The following CCM2L variants were observed in gnomAD, a reference collection of about 807,000 sequenced individuals.
CCM2L encodes CCM2 like scaffold protein.
A neutral mutation model predicts 54.1 loss-of-function variants in CCM2L; 36 were observed. The observed-to-expected ratio is 0.67, with a 90% CI of 0.51 to 0.88. The LOEUF is 0.88. CCM2L is among the 40% of genes least tolerant of loss of function. The pLI is 0.00. For missense variants in CCM2L, 700 were observed against 812.1 expected, an observed-to-expected ratio of 0.86 and a Z score of 1.68; for synonymous variants, 351 against 359.3, an observed-to-expected ratio of 0.98 and a Z score of 0.26.
intron 2 of CCM2L, 32 bp downstream of exon 2, chr20:32,015,103 C>T (rs2064730669): frequency 2.1e-6 from 3 of 1,456,818 alleles, no homozygotes; most frequent in Non-Finnish European, 2.7e-6. Context: ...GTGGGAAAAC[C>T]TTGGGGTGAG....
In CCM2L at chr20:32,018,153, C is replaced by G; in HGVS notation, c.457C>G (p.Leu153Val). 6.5e-7 allele frequency: 1 copy of G among 1,539,812 alleles called. No homozygotes were observed. The highest frequency in any genetic ancestry group is 8.7e-7 in the Non-Finnish European group (1 of 1,144,168). The change falls in exon 4 of 10, where the codon CTC (leucine) becomes GTC (valine). Residue 153 changes from leucine to valine, a missense_variant. Physicochemically the swap from Leu to Val is conservative, Grantham distance 32. Transcript: ENST00000452892. ...LQDDALHLLVLKTGLGVDPVP... is the reference protein window; with the variant it reads ...LQDDALHLLVVKTGLGVDPVP... ...GGACGACGCGCTGCACCTGCTAGTG[C>G]TCAAGACCGGTGCGGCGGGAGGGGG... is the stretch of plus-strand genomic sequence containing the variant.
chr20:32,015,216 C>T (rs2064731873), intron 2 of CCM2L, 145 bp downstream of exon 2: 1 of 784,460 alleles, frequency 1.3e-6, no homozygotes, highest in Non-Finnish European at 1.8e-6. Context: ...TCAGCCTTGC[C>T]CCCACCTTCA....
At position 32,019,417 on chromosome 20, in the gene CCM2L, C is replaced by T. The variant is rs904115719; in HGVS notation, c.933+8C>T. The T allele has an allele frequency of 4.0e-6, 6 of 1,508,394 alleles. No individual in the cohort carries two copies. The highest frequency in any genetic ancestry group is 2.9e-5 in the African/African-American group (2 of 70,008). 93.4% of individuals were successfully genotyped at this position (1,508,394 alleles called of 1,614,324 possible). A position where few individuals can be genotyped will look rare whatever the true frequency, so the allele number is the denominator to read the frequency against. On this transcript the variant is annotated splice_region_variant and intron_variant, in intron 5 of 9. Transcript: ENST00000452892. Reference sequence around the variant, plus strand: ...CTGGCTGTAGCCAACAGGGTGAGCCCGAGGGCAGCCTGCTCCCAAAGCCCG... The same window carrying T: ...CTGGCTGTAGCCAACAGGGTGAGCCTGAGGGCAGCCTGCTCCCAAAGCCCG...
Position 32,025,918 on chromosome 20 carries a change from T to G in CCM2L, c.1132T>G (p.Phe378Val). Reference sequence around the variant, plus strand: ...TGCCGACTTCAGCTGCTGCAGCTCCTTGTGAGTACAGCCCCTGTCAGGGAC... The same window carrying G: ...TGCCGACTTCAGCTGCTGCAGCTCCGTGTGAGTACAGCCCCTGTCAGGGAC... ...YDADFSCCSS[F>V]NGSQDTFEAC... Residue 378 changes from phenylalanine (F) to valine (V), a missense_variant and splice_region_variant, in exon 7 of 10, where the codon TTT becomes GTT. Phe to Val is a conservative substitution (Grantham distance 50, BLOSUM62 -1). Coordinates refer to ENST00000452892, the MANE Select transcript of CCM2L (RefSeq NM_001365692.1). 1 of 1,304,088 alleles carries G rather than the reference T, an allele frequency of 7.7e-7. No individual in the cohort carries two copies. Among genetic ancestry groups the G allele is most frequent in the Non-Finnish European group, 1.0e-6 (1 of 988,844 alleles). The allele number at this position is 1,304,088 out of a possible 1,614,324, so 80.8% of individuals were successfully genotyped here.
intron 7 of CCM2L, chr20:32,028,667 C>G: frequency 3.1e-6 from 1 of 321,984 alleles, no homozygotes; most frequent in East Asian, 7.1e-5. Context: ...GAGGAGATGA[C>G]ATTTAAGATC....
chr20:32,025,929 G>T lies in CCM2L; in HGVS notation c.1133+10G>T. The T allele has an allele frequency of 3.1e-6, 4 of 1,304,030 alleles. No homozygotes were observed. Among genetic ancestry groups the T allele is most frequent in the Non-Finnish European group, 4.0e-6 (4 of 988,810 alleles). The allele number at this position is 1,304,030 out of a possible 1,614,324, so 80.8% of individuals were successfully genotyped here. A position where few individuals can be genotyped will look rare whatever the true frequency, so the allele number is the denominator to read the frequency against. On this transcript the variant is annotated intron_variant, in intron 7 of 9. Coordinates refer to ENST00000452892, the MANE Select transcript of CCM2L (RefSeq NM_001365692.1). Reference sequence around the variant, plus strand: ...GCTGCTGCAGCTCCTTGTGAGTACAGCCCCTGTCAGGGACTCCACCCTGCT... The same window carrying T: ...GCTGCTGCAGCTCCTTGTGAGTACATCCCCTGTCAGGGACTCCACCCTGCT...
chr20:32,019,391 C>A lies in CCM2L; in HGVS notation c.915C>A (p.Ile305=). The change falls in exon 5 of 10, where the codon ATC becomes ATA. Residue 305 remains isoleucine (I), a synonymous_variant. Coordinates refer to ENST00000452892, the MANE Select transcript of CCM2L (RefSeq NM_001365692.1). Reference sequence around the variant, plus strand: ...CCGACGCCTACTGCAACCTGGTCATCCTGGCTGTAGCCAACAGGGTGAGCC... The same window carrying A: ...CCGACGCCTACTGCAACCTGGTCATACTGGCTGTAGCCAACAGGGTGAGCC... ...PSPDAYCNLV[I]LAVANRDAAE... 1 of 1,531,152 alleles carries A rather than the reference C, an allele frequency of 6.5e-7. No homozygotes were observed. Among genetic ancestry groups the A allele is most frequent in the Non-Finnish European group, 8.7e-7 (1 of 1,147,632 alleles). The allele number at this position is 1,531,152 out of a possible 1,614,324, so 94.8% of individuals were successfully genotyped here. A position where few individuals can be genotyped will look rare whatever the true frequency, so the allele number is the denominator to read the frequency against.
At chr20:32,013,895 G>A (rs1421404313) in intron 1 of CCM2L, among the ~76,000 whole-genome samples, 1 of 152,170 alleles carries the variant, frequency 6.6e-6, no homozygotes, top group African/African-American at 2.4e-5. Flanking sequence ...AATTTAGTGG[G>A]TCTGGGATGG....
chr20:32,028,105 G>C (rs2064879681), intron 7 of CCM2L: 1 of 152,268 alleles, frequency 6.6e-6, no homozygotes, highest in African/African-American at 2.4e-5. Context: ...AGGATGAAAG[G>C]GGGAAGAGTG....
chr20:32,014,964 A>T lies in CCM2L; in HGVS notation c.91A>T (p.Arg31Trp), dbSNP rs778829129. 6.9e-6 allele frequency: 11 copies of T among 1,600,750 alleles called. No homozygotes were observed. The East Asian group carries it at 2.6e-4, about 37-fold the overall frequency. Residue 31 changes from arginine (R) to tryptophan (W), a missense_variant, in exon 2 of 10, where the codon AGG (arginine) becomes TGG (tryptophan). Coordinates refer to ENST00000452892, the MANE Select transcript of CCM2L (RefSeq NM_001365692.1). ...FPKAGRRAAC[R>W]SSVSRRPLHS... ...CAAGGCCGGGCGCCGGGCAGCCTGTAGGAGCAGCGTGAGCCGCCGGCCCCT... is the reference window on the plus strand; with the variant it reads ...CAAGGCCGGGCGCCGGGCAGCCTGTTGGAGCAGCGTGAGCCGCCGGCCCCT...
rs1237601186 is a variant in CCM2L at position 32,031,006 on chromosome 20, C to T, written c.1408C>T (p.Arg470Trp). ...CCATGCCCCTCGGCTCGCAGGGATG[C>T]GGCCCTTCATCCCGGACCAGGACAT... ...DRRKFLLLGM[R>W]PFIPDQDIGY... Residue 470 changes from arginine to tryptophan, a missense_variant, in exon 10 of 10, where the codon CGG (arginine) becomes TGG (tryptophan). Transcript: ENST00000452892. 2 of 1,303,958 alleles carry T rather than the reference C, an allele frequency of 1.5e-6. No individual in the cohort carries two copies. Among genetic ancestry groups the T allele is most frequent in the African/African-American group, 1.5e-5 (1 of 65,838 alleles). 80.8% of individuals were successfully genotyped at this position (1,303,958 alleles called of 1,614,324 possible). A position where few individuals can be genotyped will look rare whatever the true frequency, so the allele number is the denominator to read the frequency against.
rs747987754 is a variant in CCM2L at position 32,022,773 on chromosome 20, A to G, written c.1047A>G (p.Glu349=). 7.4e-6 allele frequency: 12 copies of G among 1,613,162 alleles called. No homozygotes were observed. The South Asian group carries it at 1.3e-4, about 18-fold the overall frequency. ...RAGYHYTSTP[E]RPWLCSRSES... ...GCTACCACTACACATCCACACCTGAACGGCCATGGCTCTGCAGCCGCAGTG... is the reference window on the plus strand; with the variant it reads ...GCTACCACTACACATCCACACCTGAGCGGCCATGGCTCTGCAGCCGCAGTG... Residue 349 remains glutamate (E), a synonymous_variant, in exon 6 of 10, where the codon GAA becomes GAG. Transcript: ENST00000452892.
chr20:32,012,649 A>G (rs1443522621), intron 1 of CCM2L, among the ~76,000 whole-genome samples: 1 of 152,150 alleles, frequency 6.6e-6, no homozygotes. Flanking sequence ...GCTCCAACCC[A>G]ACTGTACTGA....
At chr20:32,013,188 A>G (rs2064708625) in intron 1 of CCM2L, among the ~76,000 whole-genome samples, 1 of 152,314 alleles carries the variant, frequency 6.6e-6, no homozygotes, top group East Asian at 1.9e-4. Context: ...AGTCCCAATT[A>G]CTTGGAAGGC....
intron 2 of CCM2L, 22 bp downstream of exon 2, chr20:32,015,093 G>C: frequency 6.8e-7 from 1 of 1,464,750 alleles, no homozygotes; most frequent in Non-Finnish European, 9.0e-7. Flanking sequence ...ATGAGAAGGG[G>C]TGGGAAAACC....
Position 32,018,982 on chromosome 20 carries a change from G to C in CCM2L, c.506G>C (p.Ser169Thr). ...CCGGTGCCGGCCGGCGTGGATGCCA[G>C]CCCAGGCGGCGCAGGACGCGACCCC... ...VDPVPAGVDA[S>T]PGGAGRDPGP... Residue 169 changes from serine to threonine, a missense_variant, in exon 5 of 10, where the codon AGC becomes ACC. Physicochemically the swap from Ser to Thr is moderately conservative, Grantham distance 58 (BLOSUM62 1). Transcript: ENST00000452892. 7.1e-7 allele frequency: 1 copy of C among 1,401,426 alleles called. No individual in the cohort carries two copies. Among genetic ancestry groups the C allele is most frequent in the Non-Finnish European group, 9.2e-7 (1 of 1,082,172 alleles). 86.8% of individuals were successfully genotyped at this position (1,401,426 alleles called of 1,614,324 possible).
chr20:32,015,163 A>C, intron 2 of CCM2L, 92 bp downstream of exon 2: 1 of 1,289,514 alleles, frequency 7.8e-7, no homozygotes, highest in Middle Eastern at 2.0e-4. Context: ...CGTATCTCAC[A>C]CAGGGGAAGT....
Position 32,019,130 on chromosome 20 carries a change from AGGC to A in CCM2L, c.664_666del (p.Gly222del). ...GCGCCGCGGAGGCCCGGGCCGGGGG[AGGC>A]GGCGGCGGCAGCTTGGAGCGCCAGC... is the stretch of plus-strand genomic sequence containing the variant. On this transcript the variant is annotated inframe_deletion, in exon 5 of 10. Transcript: ENST00000452892. 3 of 1,144,486 alleles carry A rather than the reference AGGC, an allele frequency of 2.6e-6. No individual in the cohort carries two copies. Among genetic ancestry groups the A allele is most frequent in the Non-Finnish European group, 2.1e-6 (2 of 930,956 alleles). The allele number at this position is 1,144,486 out of a possible 1,614,324, so 70.9% of individuals were successfully genotyped here.
At chr20:32,025,691 G>A (rs1225220096) in intron 6 of CCM2L, among the ~76,000 whole-genome samples, 165 bp from the exon 7 acceptor site, 1 of 152,210 alleles carries the variant, frequency 6.6e-6, no homozygotes, top group Admixed American at 6.5e-5. Context: ...CATCGGGGAA[G>A]TTGAGGATCA....
Sources: gnomAD v4.1 joint callset for allele counts (sites outside exome capture counted in the v4.1 genomes callset) on GRCh38, gnomAD v4.1.1 for gene constraint, MANE v1.5 for transcripts, NCBI Gene and HGNC (gene_info 2026-07-23, HGNC 2026-07-21) for gene names.